The following MAF variants were observed in gnomAD, a reference collection of about 807,000 sequenced individuals.
MAF encodes transcription factor Maf.
In MAF, 10 loss-of-function variants were observed where a neutral mutation model predicts 22.0. The ratio of observed to expected loss-of-function variants is 0.45; its 90% CI spans 0.28 to 0.77. MAF has a LOEUF of 0.77. Among genes scored for constraint, MAF ranks in the 30% least tolerant of loss-of-function variants. The probability of loss-of-function intolerance (pLI) is 0.12; values close to 1 mark genes in which losing one functional copy is unlikely to be tolerated. For synonymous variants in MAF, 337 were observed against 255.8 expected, an observed-to-expected ratio of 1.32 and a Z score of -3.03; for missense variants, 544 against 548.4, an observed-to-expected ratio of 0.99 and a Z score of 0.08.
At chr16:79,514,850 T>C in the MAF span, among the ~76,000 whole-genome samples, 2 of 152,214 alleles carry the variant, frequency 1.3e-5, no homozygotes, top group African/African-American at 2.4e-5. Context: ...TAAATTCTCC[T>C]GCGCTTCTCT....
At chr16:79,445,334 C>A in the MAF span, among the ~76,000 whole-genome samples, 2 of 152,176 alleles carry the variant, frequency 1.3e-5, no homozygotes, top group African/African-American at 4.8e-5. Context: ...TGAGCCACTG[C>A]GCCCGGCCAA....
At chr16:79,262,623 C>T in the MAF span, among the ~76,000 whole-genome samples, 11 of 152,104 alleles carry the variant, frequency 7.2e-5, no homozygotes, top group African/African-American at 1.9e-4. Flanking sequence ...GAGGGGTGGA[C>T]GTGCCCAGAG....
chr16:79,484,028 G>C, the MAF span, among the ~76,000 whole-genome samples: 2 of 152,150 alleles, frequency 1.3e-5, no homozygotes, highest in African/African-American at 4.8e-5. Flanking sequence ...GATCAGGCTA[G>C]TGATAGCAAC....
the MAF span, among the ~76,000 whole-genome samples, chr16:79,488,109 G>A: frequency 6.6e-6 from 1 of 152,206 alleles, no homozygotes; most frequent in Non-Finnish European, 1.5e-5. Flanking sequence ...TGACGCATTG[G>A]CACGCCTGGC....
the MAF span, among the ~76,000 whole-genome samples, chr16:79,242,762 C>T: frequency 1.8e-4 from 27 of 152,052 alleles, no homozygotes; most frequent in Non-Finnish European, 1.6e-4. Flanking sequence ...TTCTTTTCAG[C>T]ACCACATTGC....
the MAF span, chr16:79,206,187 T>C: frequency 2.0e-5 from 3 of 152,236 alleles, no homozygotes; most frequent in Non-Finnish European, 4.4e-5. Context: ...CCACATTTCA[T>C]TTTAGGCCAT....
At chr16:79,339,843 T>C in the MAF span, among the ~76,000 whole-genome samples, 8 of 152,190 alleles carry the variant, frequency 5.3e-5, no homozygotes, top group Non-Finnish European at 1.2e-4. Context: ...GATTATCTCT[T>C]TGAGGTAAAG....
chr16:79,303,626 C>A, the MAF span, among the ~76,000 whole-genome samples: 1 of 152,206 alleles, frequency 6.6e-6, no homozygotes, highest in Non-Finnish European at 1.5e-5. Flanking sequence ...AATGCATCTT[C>A]CACTGGCATG....
At chr16:79,326,414 T>C in the MAF span, among the ~76,000 whole-genome samples, 11 of 152,202 alleles carry the variant, frequency 7.2e-5, no homozygotes, top group Non-Finnish European at 1.3e-4. Context: ...CATCCCAAAT[T>C]GCAGCATTTA....
At chr16:79,595,597 G>A (rs899296134) in intron 1 of MAF, 12 of 1,058,920 alleles carry the variant, frequency 1.1e-5, no homozygotes, top group East Asian at 1.0e-4. Flanking sequence ...ATAGGTCAGC[G>A]CTTAGGAGTC....
At chr16:79,261,422 G>T in the MAF span, among the ~76,000 whole-genome samples, 2 of 152,168 alleles carry the variant, frequency 1.3e-5, no homozygotes, top group Non-Finnish European at 2.9e-5. Flanking sequence ...CAAAGTGCTG[G>T]GATTACGGGC....
chr16:79,262,919 T>C, the MAF span, among the ~76,000 whole-genome samples: 3 of 152,200 alleles, frequency 2.0e-5, no homozygotes, highest in Non-Finnish European at 4.4e-5. Flanking sequence ...TCTCTCATAA[T>C]GTATGTTTGC....
At chr16:79,542,307 C>G in the MAF span, among the ~76,000 whole-genome samples, 203 of 152,264 alleles carry the variant, frequency 1.3e-3, 1 homozygote, top group African/African-American at 4.3e-3. Context: ...GTGGTGGCCT[C>G]TCGCTAGCTA....
the MAF span, among the ~76,000 whole-genome samples, chr16:79,312,694 TGAGCCGC>T: frequency 6.6e-6 from 1 of 152,252 alleles, no homozygotes; most frequent in African/African-American, 2.4e-5. Context: ...TGTAACCCAG[TGAGCCGC>T]TACTTTCATA....
At chr16:79,224,229 C>G in the MAF span, among the ~76,000 whole-genome samples, 14 of 152,264 alleles carry the variant, frequency 9.2e-5, 1 homozygote, top group Non-Finnish European at 1.6e-4. Flanking sequence ...TAAACGTAAT[C>G]CATCACATAA....
the MAF span, among the ~76,000 whole-genome samples, chr16:79,269,864 T>C: frequency 1.3e-5 from 2 of 152,146 alleles, no homozygotes; most frequent in African/African-American, 4.8e-5. Context: ...AGGGAGAGGT[T>C]TGGCCTTAGC....
At chr16:79,350,626 C>G in the MAF span, among the ~76,000 whole-genome samples, 3 of 152,148 alleles carry the variant, frequency 2.0e-5, no homozygotes, top group African/African-American at 7.2e-5. Flanking sequence ...TCTGTCCTTC[C>G]CAGCCAACAG....
the MAF span, among the ~76,000 whole-genome samples, chr16:79,249,872 A>G: frequency 6.6e-6 from 1 of 152,046 alleles, no homozygotes. Context: ...AGTCTGTAAC[A>G]TAATGGTCAT....
At chr16:79,220,778 C>A in the MAF span, among the ~76,000 whole-genome samples, 4 of 152,178 alleles carry the variant, frequency 2.6e-5, no homozygotes, top group Non-Finnish European at 4.4e-5. Context: ...GTGCTGCCTA[C>A]ACAGATGGCT....
Sources: allele counts gnomAD v4.1 joint callset (sites outside exome capture counted in the v4.1 genomes callset), GRCh38; gene constraint gnomAD v4.1.1; transcripts MANE v1.5; gene names NCBI Gene and HGNC (gene_info 2026-07-23, HGNC 2026-07-21).